The following KIF15 variants were observed in gnomAD, a reference collection of about 807,000 sequenced individuals.
KIF15 encodes kinesin-like protein KIF15.
Under a neutral mutation model 190.6 loss-of-function variants are expected in KIF15, and 140 were observed. That is an observed-to-expected ratio of 0.73 (90% CI 0.64 to 0.84). KIF15 has a LOEUF of 0.84. Among genes scored for constraint, KIF15 ranks in the 40% least tolerant of loss-of-function variants. The pLI is 0.00. For missense variants in KIF15, 1,372 were observed against 1,584.4 expected, an observed-to-expected ratio of 0.87 and a Z score of 2.28; for synonymous variants, 528 against 551.3, an observed-to-expected ratio of 0.96 and a Z score of 0.59.
chr3:44,786,506 A>G lies in KIF15; in HGVS notation c.571A>G (p.Ile191Val). ...ASAGLYLREH[I>V]KKGVFVVGAV... ...GGCTGGACTGTACTTAAGGGAGCATATCAAGAAGGGAGTCTTTGTTGTTGG... is the reference window on the plus strand; with the variant it reads ...GGCTGGACTGTACTTAAGGGAGCATGTCAAGAAGGGAGTCTTTGTTGTTGG... The change falls in exon 7 of 35, where the codon ATC (isoleucine) becomes GTC (valine). Residue 191 changes from isoleucine (I) to valine (V), a missense_variant. Transcript: ENST00000326047. 6.2e-7 allele frequency: 1 copy of G among 1,613,702 alleles called. No homozygotes were observed. Among genetic ancestry groups the G allele is most frequent in the Non-Finnish European group, 8.5e-7 (1 of 1,179,714 alleles).
intron 1 of KIF15, among the ~76,000 whole-genome samples, chr3:44,773,149 AC>A (rs1705713865): frequency 6.7e-6 from 1 of 148,192 alleles, no homozygotes; most frequent in Non-Finnish European, 1.5e-5. Flanking sequence ...AAAAAAAAAA[AC>A]AACAACAAAG....
At chr3:44,810,773 C>T in intron 16 of KIF15, 73 bp from the exon 17 acceptor site, 3 of 1,216,620 alleles carry the variant, frequency 2.5e-6, no homozygotes, top group Non-Finnish European at 3.5e-6. Flanking sequence ...TTTATCCTCT[C>T]TATTCACAAA....
At chr3:44,805,769 CATAAACTGTAAAGTATTCTATAA>C in intron 15 of KIF15, 53 bp from the exon 16 acceptor site, 1 of 1,288,352 alleles carries the variant, frequency 7.8e-7, no homozygotes, top group Non-Finnish European at 1.1e-6. Context: ...TATGTGAGAG[CATAAACTGTAAAGTATTCTATAA>C]ATGTTTGACA....
chr3:44,867,055 C>T (rs1340167798), intron 6 of KIF15, among the ~76,000 whole-genome samples: 1 of 152,182 alleles, frequency 6.6e-6, no homozygotes, highest in Non-Finnish European at 1.5e-5. Flanking sequence ...TCCCAGCCAA[C>T]CCGTGAGGGA....
chr3:44,833,525 C>T (rs1698168331), intron 26 of KIF15, among the ~76,000 whole-genome samples: 1 of 151,952 alleles, frequency 6.6e-6, no homozygotes, highest in East Asian at 1.9e-4. Context: ...AGATCCCTGG[C>T]ACGCAGTTTG....
At position 44,838,348 on chromosome 3, in the gene KIF15, A is replaced by C; in HGVS notation, c.3245A>C (p.His1082Pro). 6.2e-7 allele frequency: 1 copy of C among 1,614,022 alleles called. No homozygotes were observed. The highest frequency in any genetic ancestry group is 8.5e-7 in the Non-Finnish European group (1 of 1,179,978). Reference protein sequence around the residue: ...LNMLTEASKKHSGLLQSAQEE... With the variant: ...LNMLTEASKKPSGLLQSAQEE... ...ATGCTCACAGAGGCCTCAAAAAAACACTCGGGGCTGCTGCAGTCTGCCCAG... is the reference window on the plus strand; with the variant it reads ...ATGCTCACAGAGGCCTCAAAAAAACCCTCGGGGCTGCTGCAGTCTGCCCAG... Residue 1082 changes from histidine to proline, a missense_variant, in exon 27 of 35, where the codon CAC (histidine) becomes CCC (proline). By Grantham distance (77) the His-to-Pro change is moderately conservative. Transcript: ENST00000326047.
chr3:44,828,385 C>T, intron 24 of KIF15, 85 bp downstream of exon 24: 1 of 878,766 alleles, frequency 1.1e-6, no homozygotes, highest in South Asian at 1.4e-5. Flanking sequence ...TCTTCTTGCA[C>T]CTCCAGGGTG....
At chr3:44,813,005 G>C in intron 18 of KIF15, 70 bp from the exon 19 acceptor site, 4 of 918,118 alleles carry the variant, frequency 4.4e-6, no homozygotes, top group Non-Finnish European at 5.0e-6. Flanking sequence ...AAAGAAACAG[G>C]TTAATGATTT....
downstream of KIF15, among the ~76,000 whole-genome samples, chr3:44,856,812 G>A (rs564473077): frequency 1.2e-4 from 18 of 152,266 alleles, no homozygotes; most frequent in South Asian, 3.5e-3. Context: ...TGCGTAGTGA[G>A]GAAACCTCTT....
At chr3:44,798,748 T>C (rs150049850) in intron 10 of KIF15, among the ~76,000 whole-genome samples, 3 of 152,312 alleles carry the variant, frequency 2.0e-5, no homozygotes, top group Non-Finnish European at 4.4e-5. Flanking sequence ...ATGTGAGTCT[T>C]TCTTCCTGCC....
At chr3:44,799,048 T>G in intron 10 of KIF15, 1 of 340,590 alleles carries the variant, frequency 2.9e-6, no homozygotes, top group South Asian at 2.4e-5. Flanking sequence ...GGAGTACTAG[T>G]AAGATGAGGA....
chr3:44,763,691 CTT>C (rs112801334), intron 1 of KIF15, among the ~76,000 whole-genome samples: 1 of 145,886 alleles, frequency 6.9e-6, no homozygotes, highest in African/African-American at 2.5e-5. Flanking sequence ...CGATTCCCCC[CTT>C]TTTTTTTTTA....
intron 29 of KIF15, among the ~76,000 whole-genome samples, chr3:44,842,634 G>A (rs1284938379): frequency 6.6e-6 from 1 of 152,150 alleles, no homozygotes; most frequent in African/African-American, 2.4e-5. Flanking sequence ...AACTGGGTCA[G>A]GTGAAACGAA....
chr3:44,769,913 C>T (rs59029820), intron 1 of KIF15, among the ~76,000 whole-genome samples: 1,655 of 152,238 alleles, frequency 0.011, 28 homozygotes, highest in African/African-American at 0.037. Context: ...CTCCCTTGGT[C>T]TTACTTTCCC....
At chr3:44,792,231 C>A (rs1407700969) in intron 7 of KIF15, among the ~76,000 whole-genome samples, 1 of 151,910 alleles carries the variant, frequency 6.6e-6, no homozygotes, top group Non-Finnish European at 1.5e-5. Context: ...ATCCCAGCCT[C>A]TTTGGGAGGC....
At chr3:44,813,685 G>C (rs1215307676) in intron 19 of KIF15, among the ~76,000 whole-genome samples, 1 of 144,256 alleles carries the variant, frequency 6.9e-6, no homozygotes, top group African/African-American at 2.6e-5. Context: ...GGAGCGCAGT[G>C]GCGGGATCTC....
intron 4 of KIF15, 76 bp downstream of exon 4, chr3:44,778,267 CA>C: frequency 3.5e-6 from 4 of 1,144,944 alleles, no homozygotes; most frequent in Non-Finnish European, 5.3e-6. Flanking sequence ...CAAATTACCA[CA>C]AACGTAGTGG....
intron 30 of KIF15, among the ~76,000 whole-genome samples, chr3:44,847,249 GAT>G (rs1262320136): frequency 6.6e-6 from 1 of 152,174 alleles, no homozygotes; most frequent in African/African-American, 2.4e-5. Flanking sequence ...CAGTGAGAGA[GAT>G]ATTCCTAGAG....
rs775162484 is a variant in KIF15, at chr3:44,786,575, G to GT, written c.639+2dup. Reference sequence around the variant, plus strand: ...AACCTCAGCTGCTGAAGCCTATCAGGTACCCTGCCATGAGTACTTAATTGG... The same window carrying GT: ...AACCTCAGCTGCTGAAGCCTATCAGGTTACCCTGCCATGAGTACTTAATTGG... On this transcript the variant is annotated splice_donor_variant, in intron 7 of 34. Coordinates refer to ENST00000326047, the MANE Select transcript of KIF15 (RefSeq NM_020242.3). LOFTEE classifies it high-confidence loss of function. 85 of 1,606,566 alleles carry GT rather than the reference G, an allele frequency of 5.3e-5. No individual in the cohort carries two copies. The highest frequency in any genetic ancestry group is 7.2e-5 in the Non-Finnish European group (84 of 1,174,680).
Sources: allele counts gnomAD v4.1 joint callset (sites outside exome capture counted in the v4.1 genomes callset), GRCh38; gene constraint gnomAD v4.1.1; transcripts MANE v1.5; gene names NCBI Gene and HGNC (gene_info 2026-07-23, HGNC 2026-07-21).